Variants in UGT1A4 observed in about 807,000 individuals in gnomAD.
UGT1A4 encodes the protein UDP glucuronosyltransferase family 1 member A4.
A neutral mutation model predicts 41.1 loss-of-function variants in UGT1A4; 32 were observed. The ratio of observed to expected loss-of-function variants is 0.78; its 90% CI spans 0.59 to 1.05. The LOEUF is 1.05. Ranked by LOEUF, UGT1A4 falls within the 50% of genes least tolerant of loss-of-function variation. The pLI, the probability that UGT1A4 is intolerant of heterozygous loss-of-function variation, is 0.00. For synonymous variants in UGT1A4, 283 were observed against 265.1 expected (o/e 1.07, Z -0.66); for missense variants, 748 against 677.4 (o/e 1.10, Z -1.16).
intron 1 of UGT1A4, among the ~76,000 whole-genome samples, chr2:233,731,205 G>A (rs956328200): frequency 4.6e-5 from 7 of 151,358 alleles, no homozygotes; most frequent in African/African-American, 1.5e-4. Context: ...TATAAAATAC[G>A]TGTTTATTTA....
intron 1 of UGT1A4, among the ~76,000 whole-genome samples, chr2:233,747,017 T>A (rs1217876341): frequency 1.3e-5 from 2 of 151,764 alleles, no homozygotes; most frequent in Non-Finnish European, 2.9e-5. Flanking sequence ...GAGTGATCGG[T>A]CTTTCCCGAA....
At chr2:233,753,385 T>G (rs1695193775) in intron 1 of UGT1A4, 2 of 152,290 alleles carry the variant, frequency 1.3e-5, no homozygotes, top group South Asian at 4.1e-4. Flanking sequence ...GATTGGACTC[T>G]GAGGGTACTA....
In UGT1A4 at chr2:233,719,183, T is replaced by C. The variant is rs1190201786; in HGVS notation, c.363T>C (p.Ser121=). 3.1e-6 allele frequency: 5 copies of C among 1,614,222 alleles called. No homozygotes were observed. Among genetic ancestry groups the C allele is most frequent in the Non-Finnish European group, 4.2e-6 (5 of 1,180,030 alleles). ...GTATGGCAATTATGAACAATGTATC[T>C]TTGGCCCTTCATAGGTGTTGTGTGG... ...SRSMAIMNNV[S]LALHRCCVEL... is the part of the protein sequence containing the mutation. Residue 121 remains serine, a synonymous_variant, in exon 1 of 5, where the codon TCT becomes TCC. Transcript: ENST00000373409.
In UGT1A4 at chr2:233,747,787, C is replaced by T. The variant is rs1693777925; in HGVS notation, c.868-19247C>T. On this transcript the variant is annotated intron_variant, in intron 1 of 4. Coordinates refer to ENST00000373409, the MANE Select transcript of UGT1A4 (RefSeq NM_007120.3). ...GGCACACAGTGTCCAAATCCTTCCTCCTATATTCCTAAGTTACTAACGACC... is the reference window on the plus strand; with the variant it reads ...GGCACACAGTGTCCAAATCCTTCCTTCTATATTCCTAAGTTACTAACGACC... The T allele has an allele frequency of 6.8e-6, 11 of 1,613,400 alleles. No homozygotes were observed. The South Asian group carries it at 1.2e-4, about 18-fold the overall frequency.
intron 1 of UGT1A4, among the ~76,000 whole-genome samples, chr2:233,734,364 G>A (rs1194313083): frequency 6.6e-6 from 1 of 152,040 alleles, no homozygotes; most frequent in East Asian, 1.9e-4. Context: ...TGGGATCGGT[G>A]GTGATATTGC....
intron 1 of UGT1A4, chr2:233,729,180 T>G: frequency 6.2e-6 from 10 of 1,613,900 alleles, no homozygotes; most frequent in Non-Finnish European, 7.6e-6. Context: ...GACTGCTGCT[T>G]CTCCTCAGTG....
At chr2:233,732,144 T>G (rs1266752790) in intron 1 of UGT1A4, among the ~76,000 whole-genome samples, 4 of 152,136 alleles carry the variant, frequency 2.6e-5, no homozygotes, top group Admixed American at 2.0e-4. Context: ...TTGTTTGTTT[T>G]TTTTCTTGTA....
intron 1 of UGT1A4, among the ~76,000 whole-genome samples, chr2:233,759,775 C>T (rs756322145): frequency 1.3e-5 from 2 of 152,048 alleles, no homozygotes; most frequent in African/African-American, 4.8e-5. Context: ...TATTGTTGGA[C>T]GAAGGAATGA....
At chr2:233,755,199 C>A (rs1448845057) in intron 1 of UGT1A4, 6 of 1,106,350 alleles carry the variant, frequency 5.4e-6, no homozygotes, top group South Asian at 1.2e-5. Flanking sequence ...CGCCAGCTTG[C>A]GGTACGCCTT....
intron 1 of UGT1A4, among the ~76,000 whole-genome samples, chr2:233,735,232 C>A (rs1233403714): frequency 6.6e-6 from 1 of 152,064 alleles, no homozygotes; most frequent in Admixed American, 6.5e-5. Context: ...GGATAGTTAG[C>A]TCTTGTTGTT....
Position 233,772,326 on chromosome 2 carries a change from C to T in UGT1A4, c.1372C>T (p.Leu458=), listed in dbSNP as rs767264478. The stretch of plus-strand genomic sequence containing the variant: ...GGACCGCCCGGTGGAGCCGCTGGAC[C>T]TGGCCGTGTTCTGGGTGGAGTTTGT... ...HKDRPVEPLD[L]AVFWVEFVMR... The change falls in exon 5 of 5, where the codon CTG becomes TTG. Residue 458 remains leucine, a synonymous_variant. Coordinates refer to ENST00000373409, the MANE Select transcript of UGT1A4 (RefSeq NM_007120.3). 1 of 1,614,166 alleles carries T rather than the reference C, an allele frequency of 6.2e-7. No homozygotes were observed. The highest frequency in any genetic ancestry group is 2.2e-5 in the East Asian group (1 of 44,878).
intron 1 of UGT1A4, among the ~76,000 whole-genome samples, chr2:233,758,755 T>C (rs1329338381): frequency 1.3e-5 from 2 of 152,208 alleles, no homozygotes; most frequent in African/African-American, 4.8e-5. Flanking sequence ...TGGCCAGTGA[T>C]GTGTATGGTT....
Position 233,769,174 on chromosome 2 carries a change from G to T in UGT1A4, c.1307+735G>T, listed in dbSNP as rs1699806573. ...ACCTGTGAGAAATTTTGTCCATGGA[G>T]TTTATGAATGAAGGAGCTATAAGAT... On this transcript the variant is annotated intron_variant, in intron 4 of 4. Coordinates refer to ENST00000373409, the MANE Select transcript of UGT1A4 (RefSeq NM_007120.3). This position sits in a 1 kb window ranked among gnomAD's most constrained non-coding sequence, Gnocchi z 4.4. Among the ~76,000 whole-genome samples, 1 of 152,206 alleles carries T rather than the reference G, an allele frequency of 6.6e-6. No individual in the cohort carries two copies. Among genetic ancestry groups the T allele is most frequent in the Non-Finnish European group, 1.5e-5 (1 of 68,044 alleles).
intron 1 of UGT1A4, chr2:233,754,583 T>A (rs1211544533): frequency 2.3e-6 from 1 of 426,868 alleles, no homozygotes; most frequent in East Asian, 7.0e-5. Context: ...ATGCCGTTTA[T>A]TATGAAGGAC....
intron 1 of UGT1A4, among the ~76,000 whole-genome samples, chr2:233,749,245 A>G (rs1371671760): frequency 6.6e-6 from 1 of 151,908 alleles, no homozygotes; most frequent in Admixed American, 6.5e-5. Context: ...ATCAAACCAC[A>G]TGATTTTTTT....
chr2:233,767,283 C>T (rs1575825850), intron 2 of UGT1A4, 118 bp downstream of exon 2: 2 of 1,571,702 alleles, frequency 1.3e-6, no homozygotes, highest in Non-Finnish European at 1.7e-6. Flanking sequence ...TTCCCTGCCA[C>T]TTCCCAACTA....
At chr2:233,724,599 T>C (rs1249789503) in intron 1 of UGT1A4, among the ~76,000 whole-genome samples, 2 of 100,788 alleles carry the variant, frequency 2.0e-5, no homozygotes, top group Non-Finnish European at 4.0e-5. Context: ...TCTCAGACGA[T>C]GGGCGGCCGG....
chr2:233,755,611 T>C (rs1176906643), intron 1 of UGT1A4: 1 of 158,924 alleles, frequency 6.3e-6, no homozygotes, highest in African/African-American at 2.4e-5. Flanking sequence ...AGAACTGTTT[T>C]TCTTAAAGTA....
At chr2:233,746,577 T>C (rs1395681338) in intron 1 of UGT1A4, among the ~76,000 whole-genome samples, 4 of 151,762 alleles carry the variant, frequency 2.6e-5, no homozygotes, top group Non-Finnish European at 4.4e-5. Context: ...CACCCTGTAA[T>C]TGCCTAGTTG....
Sources: gnomAD v4.1 joint callset for allele counts (sites outside exome capture counted in the v4.1 genomes callset) on GRCh38, gnomAD v4.1.1 for gene constraint, Gnocchi (gnomAD v3.1) non-coding constraint, MANE v1.5 for transcripts, NCBI Gene and HGNC (gene_info 2026-07-23, HGNC 2026-07-21) for gene names.